Variants in RHOU observed in about 807,000 individuals in gnomAD.
The protein encoded by RHOU is rho-related GTP-binding protein RhoU.
A neutral mutation model predicts 12.6 loss-of-function variants in RHOU; 8 were observed. That is an observed-to-expected ratio of 0.64 (90% CI 0.37 to 1.15). The LOEUF (loss-of-function observed/expected upper bound fraction) is 1.15. RHOU is among the 50% of genes most tolerant of loss of function. The probability of loss-of-function intolerance (pLI) is 0.01; values close to 1 mark genes in which losing one functional copy is unlikely to be tolerated. For synonymous variants in RHOU, 161 were observed against 147.4 expected, an observed-to-expected ratio of 1.09 and a Z score of -0.67; for missense variants, 258 against 347.0, an observed-to-expected ratio of 0.74 and a Z score of 2.04.
the RHOU span, among the ~76,000 whole-genome samples, chr1:228,709,821 G>T: frequency 1.3e-5 from 2 of 152,042 alleles, no homozygotes; most frequent in African/African-American, 4.8e-5. Context: ...GAGCAGAACT[G>T]AAGGAAATAG....
chr1:228,696,839 G>A, the RHOU span, among the ~76,000 whole-genome samples: 8 of 152,302 alleles, frequency 5.3e-5, 1 homozygote, highest in African/African-American at 1.4e-4. Flanking sequence ...GAGCCACCAT[G>A]CCTGGTCATG....
the RHOU span, among the ~76,000 whole-genome samples, chr1:228,727,109 C>A: frequency 1.8e-4 from 28 of 152,176 alleles, no homozygotes; most frequent in Admixed American, 8.5e-4. Flanking sequence ...GTGTTGATCA[C>A]TATTGTTCAC....
At chr1:228,713,583 C>T in the RHOU span, among the ~76,000 whole-genome samples, 15 of 152,256 alleles carry the variant, frequency 9.9e-5, no homozygotes, top group Admixed American at 1.3e-4. Context: ...CCTCCCACCT[C>T]GGCCTCCCAA....
chr1:228,672,314 A>G, the RHOU span, among the ~76,000 whole-genome samples: 1 of 152,120 alleles, frequency 6.6e-6, no homozygotes, highest in Admixed American at 6.5e-5. Flanking sequence ...GGTGCCCGCC[A>G]CCAGACACAG....
chr1:228,707,958 C>A, the RHOU span, among the ~76,000 whole-genome samples: 2 of 152,000 alleles, frequency 1.3e-5, no homozygotes, highest in Admixed American at 6.6e-5. Context: ...CAGAGAAGTG[C>A]TTAAAGGAGC....
chr1:228,736,613 C>G (rs1030257780), intron 1 of RHOU, among the ~76,000 whole-genome samples: 15 of 152,148 alleles, frequency 9.9e-5, no homozygotes, highest in Admixed American at 6.5e-4. Flanking sequence ...TGAGCCCCAC[C>G]ACCTTCCCTG....
At chr1:228,679,583 A>C in the RHOU span, among the ~76,000 whole-genome samples, 16 of 152,172 alleles carry the variant, frequency 1.1e-4, no homozygotes, top group African/African-American at 3.9e-4. Context: ...ATCCTGAACT[A>C]AAATGTAAGG....
At position 228,735,648 on chromosome 1, in the gene RHOU, G is replaced by A. The variant is rs1215354802; in HGVS notation, c.-95G>A. Reference sequence around the variant, plus strand: ...GGCCGGGGACGCGCCCGCAGCTGTCGGTGACAGCTCCTCCCTACCGCAACC... The same window carrying A: ...GGCCGGGGACGCGCCCGCAGCTGTCAGTGACAGCTCCTCCCTACCGCAACC... On this transcript the variant is annotated 5_prime_UTR_variant, in exon 1 of 3. Coordinates refer to ENST00000366691, the MANE Select transcript of RHOU (RefSeq NM_021205.6). The surrounding 1 kb of genome is among the most constrained non-coding windows in gnomAD (Gnocchi z 8.1). The A allele has an allele frequency of 1.7e-5, 17 of 976,080 alleles. No individual in the cohort carries two copies. The highest frequency in any genetic ancestry group is 4.8e-5 in the Admixed American group (1 of 20,776). The allele number at this position is 976,080 out of a possible 1,614,324, so 60.5% of individuals were successfully genotyped here.
At chr1:228,650,562 C>T in the RHOU span, 1 of 456,450 alleles carries the variant, frequency 2.2e-6, no homozygotes, top group African/African-American at 2.0e-5. Context: ...GGGTTGTCCT[C>T]ACCTCACTGC....
chr1:228,732,686 G>A (rs750931722), upstream of RHOU, among the ~76,000 whole-genome samples: 5 of 152,236 alleles, frequency 3.3e-5, no homozygotes, highest in Admixed American at 6.5e-5. Flanking sequence ...ATGAGTGGGC[G>A]TGGGATGATA....
the RHOU span, among the ~76,000 whole-genome samples, chr1:228,678,496 A>G: frequency 1.2e-3 from 186 of 152,280 alleles, no homozygotes; most frequent in Middle Eastern, 6.8e-3. Flanking sequence ...ATGCCTTTTA[A>G]TGGCCCTTGC....
chr1:228,729,827 G>A, the RHOU span, among the ~76,000 whole-genome samples: 1 of 152,208 alleles, frequency 6.6e-6, no homozygotes, highest in African/African-American at 2.4e-5. Flanking sequence ...ACCAATGGAA[G>A]AGCTTAATTT....
At chr1:228,711,685 A>G in the RHOU span, among the ~76,000 whole-genome samples, 4 of 152,188 alleles carry the variant, frequency 2.6e-5, no homozygotes. Flanking sequence ...CTTAAACGTT[A>G]GACCTAAAAC....
the RHOU span, among the ~76,000 whole-genome samples, chr1:228,658,417 T>G: frequency 3.9e-5 from 6 of 152,080 alleles, no homozygotes; most frequent in Non-Finnish European, 8.8e-5. Context: ...TTCACTCCTG[T>G]CTCCTCCACG....
chr1:228,703,843 T>C, the RHOU span, among the ~76,000 whole-genome samples: 2 of 152,174 alleles, frequency 1.3e-5, no homozygotes, highest in African/African-American at 4.8e-5. Context: ...GGACCCCAAA[T>C]CACTGAGCCA....
chr1:228,658,475 C>A, the RHOU span, among the ~76,000 whole-genome samples: 2,663 of 152,202 alleles, frequency 0.017, 63 homozygotes, highest in African/African-American at 0.061. Context: ...AACGTTGTGA[C>A]ATCTTGGAAG....
the RHOU span, among the ~76,000 whole-genome samples, chr1:228,723,225 G>C: frequency 1.3e-5 from 2 of 152,206 alleles, no homozygotes; most frequent in Non-Finnish European, 2.9e-5. Context: ...GTTTTAAGGA[G>C]TGGAGGGTTT....
At chr1:228,695,491 A>G in the RHOU span, among the ~76,000 whole-genome samples, 1 of 152,062 alleles carries the variant, frequency 6.6e-6, no homozygotes, top group African/African-American at 2.4e-5. Context: ...GTCACACAAG[A>G]CTGCCCCCCA....
Position 228,743,939 on chromosome 1 carries a change from G to A in RHOU, c.*199G>A. The A allele has an allele frequency of 1.9e-6, 1 of 527,860 alleles. No homozygotes were observed. The highest frequency in any genetic ancestry group is 3.1e-5 in the East Asian group (1 of 31,986). The allele number at this position is 527,860 out of a possible 1,614,324, so 32.7% of individuals were successfully genotyped here. A position where few individuals can be genotyped will look rare whatever the true frequency, so the allele number is the denominator to read the frequency against. On this transcript the variant is annotated 3_prime_UTR_variant, in exon 3 of 3. Coordinates refer to ENST00000366691, the MANE Select transcript of RHOU (RefSeq NM_021205.6). The surrounding 1 kb of genome is among the most constrained non-coding windows in gnomAD (Gnocchi z 5.1). Reference sequence around the variant, plus strand: ...TTGAGCTTAGGGATGAGATACTTATGCAAGATATTTTTGAAGTAAATTAAA... The same window carrying A: ...TTGAGCTTAGGGATGAGATACTTATACAAGATATTTTTGAAGTAAATTAAA...
Sources: allele counts gnomAD v4.1 joint callset (sites outside exome capture counted in the v4.1 genomes callset), GRCh38; gene constraint gnomAD v4.1.1; non-coding constraint Gnocchi (gnomAD v3.1); transcripts MANE v1.5; gene names NCBI Gene and HGNC (gene_info 2026-07-23, HGNC 2026-07-21).